OSBP: variants seen among roughly 807,000 people sequenced by gnomAD.
OSBP encodes the protein oxysterol-binding protein 1.
OSBP carries 32 observed loss-of-function variants against 96.6 expected under a neutral mutation model. The observed-to-expected ratio is 0.33, with a 90% CI of 0.25 to 0.45. OSBP has a LOEUF of 0.45. OSBP is among the 20% of genes least tolerant of loss of function. The probability of loss-of-function intolerance (pLI) is 1.00; values close to 1 mark genes in which losing one functional copy is unlikely to be tolerated. For synonymous variants in OSBP, 369 were observed against 389.6 expected, an observed-to-expected ratio of 0.95 and a Z score of 0.62; for missense variants, 653 against 1,029.7, an observed-to-expected ratio of 0.63 and a Z score of 5.01.
chr11:59,615,654 G>C lies in OSBP; in HGVS notation c.11C>G (p.Thr4Arg). MAA[T>R]ELRGVVGPGP... ...TGGCCCCACCACTCCTCTCAGCTCC[G>C]TCGCCGCCATGAGCCGCCGCCGCCT... The change falls in exon 1 of 14, where the codon ACG becomes AGG. Residue 4 changes from threonine (T) to arginine (R), a missense_variant. By Grantham distance (71) the Thr-to-Arg change is moderately conservative. Transcript: ENST00000263847. 7.4e-7 allele frequency: 1 copy of C among 1,351,216 alleles called. No individual in the cohort carries two copies. Among genetic ancestry groups the C allele is most frequent in the Non-Finnish European group, 9.5e-7 (1 of 1,052,098 alleles). 83.7% of individuals were successfully genotyped at this position (1,351,216 alleles called of 1,614,324 possible).
chr11:59,576,479 G>T lies in OSBP; in HGVS notation c.*98C>A. 7.5e-7 allele frequency: 1 copy of T among 1,339,108 alleles called. No individual in the cohort carries two copies. Among genetic ancestry groups the T allele is most frequent in the Non-Finnish European group, 1.0e-6 (1 of 975,238 alleles). The allele number at this position is 1,339,108 out of a possible 1,614,324, so 83.0% of individuals were successfully genotyped here. ...ATGATTGGTCAAGAGAGACAAACTT[G>T]AGGAAAGCACTTGGTAAGAGAGTCA... On this transcript the variant is annotated 3_prime_UTR_variant, in exon 14 of 14. Transcript: ENST00000263847.
At chr11:59,579,025 T>C (rs1860390105) in intron 11 of OSBP, among the ~76,000 whole-genome samples, 1 of 152,236 alleles carries the variant, frequency 6.6e-6, no homozygotes, top group Non-Finnish European at 1.5e-5. Context: ...CTTTATTCTT[T>C]ATCCCCACTT....
chr11:59,607,770 A>T (rs1860800470), intron 3 of OSBP, among the ~76,000 whole-genome samples: 1 of 152,106 alleles, frequency 6.6e-6, no homozygotes, highest in African/African-American at 2.4e-5. Flanking sequence ...TGCTCTGTTT[A>T]CTCAGAGTCT....
At chr11:59,615,270 C>T in intron 1 of OSBP, 33 bp downstream of exon 1, 1 of 1,547,388 alleles carries the variant, frequency 6.5e-7, no homozygotes, top group Non-Finnish European at 8.8e-7. Context: ...ATGGGGGAGG[C>T]AAGGTGAGCG....
intron 9 of OSBP, among the ~76,000 whole-genome samples, chr11:59,584,279 A>G (rs192604516): frequency 3.5e-4 from 54 of 152,210 alleles, no homozygotes; most frequent in African/African-American, 1.3e-3. Flanking sequence ...CTCCACTACC[A>G]TCTCATTCTA....
At chr11:59,602,227 T>C (rs1272678438) in intron 3 of OSBP, among the ~76,000 whole-genome samples, 1 of 152,150 alleles carries the variant, frequency 6.6e-6, no homozygotes, top group Non-Finnish European at 1.5e-5. Context: ...CAACAAATTC[T>C]TGACTAAACT....
At chr11:59,580,308 A>G (rs1336675633) in intron 10 of OSBP, 39 bp from the exon 11 acceptor site, 1 of 1,229,396 alleles carries the variant, frequency 8.1e-7, no homozygotes, top group African/African-American at 1.5e-5. Flanking sequence ...AAGACTGGAT[A>G]AATTCAATGT....
chr11:59,601,355 C>T lies in OSBP; in HGVS notation c.1052G>A (p.Ser351Asn). Residue 351 changes from serine (S) to asparagine (N), a missense_variant, in exon 5 of 14, where the codon AGC (serine) becomes AAC (asparagine). Coordinates refer to ENST00000263847, the MANE Select transcript of OSBP (RefSeq NM_002556.3). ...AAATTCATTCTCATCATCTTCATCG[C>T]TCATGTCCCCTTTGCCAGAGCAGCA... ...DQCCSGKGDMSDEDDENEFFD... is the reference protein window; with the variant it reads ...DQCCSGKGDMNDEDDENEFFD... 1 of 1,613,174 alleles carries T rather than the reference C, an allele frequency of 6.2e-7. No individual in the cohort carries two copies.
Position 59,580,279 on chromosome 11 carries a change from G to A in OSBP, c.1783-10C>T. On this transcript the variant is annotated splice_polypyrimidine_tract_variant and intron_variant, in intron 10 of 13. Coordinates refer to ENST00000263847, the MANE Select transcript of OSBP (RefSeq NM_002556.3). ...TATCAATTTCGCCAGACTGTAAAATGAAAAAATTCAGTTTTATTAAGACTG... is the reference window on the plus strand; with the variant it reads ...TATCAATTTCGCCAGACTGTAAAATAAAAAAATTCAGTTTTATTAAGACTG... 2 of 1,576,442 alleles carry A rather than the reference G, an allele frequency of 1.3e-6. No homozygotes were observed. Among genetic ancestry groups the A allele is most frequent in the Middle Eastern group, 1.7e-4 (1 of 5,982 alleles).
intron 1 of OSBP, among the ~76,000 whole-genome samples, chr11:59,613,189 A>G (rs1186090499): frequency 6.6e-6 from 1 of 152,234 alleles, no homozygotes; most frequent in Non-Finnish European, 1.5e-5. Flanking sequence ...GCACAGATTG[A>G]TAACTCTGGA....
intron 2 of OSBP, among the ~76,000 whole-genome samples, chr11:59,610,084 A>G (rs1241908918): frequency 6.6e-6 from 1 of 152,148 alleles, no homozygotes; most frequent in Non-Finnish European, 1.5e-5. Flanking sequence ...TGTTTGGTAT[A>G]TTATAGGAGG....
At chr11:59,592,804 T>C (rs1860601848) in intron 9 of OSBP, among the ~76,000 whole-genome samples, 1 of 151,914 alleles carries the variant, frequency 6.6e-6, no homozygotes, top group African/African-American at 2.4e-5. Context: ...TTTTCCTTTT[T>C]TTTTTTTTTG....
At chr11:59,604,937 A>C (rs775822273) in intron 3 of OSBP, among the ~76,000 whole-genome samples, 3 of 151,824 alleles carry the variant, frequency 2.0e-5, no homozygotes, top group Non-Finnish European at 2.9e-5. Flanking sequence ...GTGGATCACA[A>C]GGTCAGGAGT....
At chr11:59,593,305 GAGAC>G (rs1301101421) in intron 9 of OSBP, among the ~76,000 whole-genome samples, 1 of 152,104 alleles carries the variant, frequency 6.6e-6, no homozygotes, top group African/African-American at 2.4e-5. Flanking sequence ...CACCAGTTAA[GAGAC>G]AGAATTTTTT....
chr11:59,601,859 C>T, intron 3 of OSBP, 21 bp from the exon 4 acceptor site: 1 of 1,608,278 alleles, frequency 6.2e-7, no homozygotes, highest in East Asian at 2.2e-5. Context: ...AAAGCGTTGA[C>T]TGTGTCAGCT....
At chr11:59,582,782 A>C (rs995569680) in intron 9 of OSBP, among the ~76,000 whole-genome samples, 9 of 152,174 alleles carry the variant, frequency 5.9e-5, no homozygotes, top group African/African-American at 1.9e-4. Context: ...ATTGCATTAC[A>C]GTATTGCACT....
rs1331516978 is a variant in OSBP, at chr11:59,576,347, T to C, written c.*230A>G. ...CACTAACCTTCGGCCACTAAACCTCTCCCTTACAGACATAGTATCTCCTAT... is the reference window on the plus strand; with the variant it reads ...CACTAACCTTCGGCCACTAAACCTCCCCCTTACAGACATAGTATCTCCTAT... On this transcript the variant is annotated 3_prime_UTR_variant, in exon 14 of 14. Transcript: ENST00000263847. The C allele has an allele frequency of 2.0e-6, 1 of 502,972 alleles. No individual in the cohort carries two copies. Among genetic ancestry groups the C allele is most frequent in the African/African-American group, 2.0e-5 (1 of 51,270 alleles). 31.2% of individuals were successfully genotyped at this position (502,972 alleles called of 1,614,324 possible). A position where few individuals can be genotyped will look rare whatever the true frequency, so the allele number is the denominator to read the frequency against.
chr11:59,581,301 A>G, intron 10 of OSBP, 150 bp downstream of exon 10: 1 of 433,428 alleles, frequency 2.3e-6, no homozygotes, highest in Non-Finnish European at 4.2e-6. Context: ...AGTTAGAGGT[A>G]GGGCTACTGC....
chr11:59,583,645 T>TG (rs1860453073), intron 9 of OSBP, among the ~76,000 whole-genome samples: 2 of 136,624 alleles, frequency 1.5e-5, no homozygotes, highest in African/African-American at 5.9e-5. Flanking sequence ...TTTTTTTTTT[T>TG]TTTTTTTTTT....
Sources: gnomAD v4.1 joint callset for allele counts (sites outside exome capture counted in the v4.1 genomes callset) on GRCh38, gnomAD v4.1.1 for gene constraint, MANE v1.5 for transcripts, NCBI Gene and HGNC (gene_info 2026-07-23, HGNC 2026-07-21) for gene names.